Variants in RREB1 observed in about 807,000 individuals in gnomAD.
RREB1 encodes ras-responsive element-binding protein 1.
In RREB1, 27 loss-of-function variants were observed where a neutral mutation model predicts 117.8. The observed-to-expected ratio is 0.23, with a 90% CI of 0.17 to 0.32. RREB1 has a LOEUF of 0.32. Ranked by LOEUF, RREB1 falls within the 10% of genes least tolerant of loss-of-function variation. The pLI is 1.00. For missense variants in RREB1, 2,577 were observed against 2,378.2 expected, an observed-to-expected ratio of 1.08 and a Z score of -1.74; for synonymous variants, 1,298 against 1,026.7, an observed-to-expected ratio of 1.26 and a Z score of -5.05.
In RREB1 at chr6:7,166,801, G is replaced by T. The variant is rs539271551; in HGVS notation, c.-284-9854G>T. Among the ~76,000 whole-genome samples the T allele has an allele frequency of 7.7e-4, 118 of 152,314 alleles. 1 individual carries two copies. The highest frequency in any genetic ancestry group is 1.2e-3 in the Non-Finnish European group (79 of 68,032). On this transcript the variant is annotated intron_variant, in intron 1 of 12. Coordinates refer to ENST00000379938, the MANE Select transcript of RREB1 (RefSeq NM_001003699.4). ...CTGCCCTGGGATTGCTTAGCTTGCA[G>T]CTCGTCCCTGGGGCAAAGTGGAGAA...
At chr6:7,146,404 C>T (rs149767840) in intron 1 of RREB1, among the ~76,000 whole-genome samples, 291 of 151,754 alleles carry the variant, frequency 1.9e-3, no homozygotes, top group Admixed American at 2.3e-3. Context: ...GAGGTGGGGA[C>T]GGAGAAGGAA....
At chr6:7,129,189 T>G (rs140554193) in intron 1 of RREB1, among the ~76,000 whole-genome samples, 1,936 of 151,594 alleles carry the variant, frequency 0.013, 21 homozygotes, top group Non-Finnish European at 0.021. Context: ...CTCGCAGGAG[T>G]GGGTCTGCAC....
chr6:7,148,846 A>G (rs943165255), intron 1 of RREB1, among the ~76,000 whole-genome samples: 2 of 152,170 alleles, frequency 1.3e-5, no homozygotes, highest in African/African-American at 4.8e-5. Flanking sequence ...AATATTATAT[A>G]TTTTGCCCAG....
intron 1 of RREB1, among the ~76,000 whole-genome samples, chr6:7,124,203 G>C (rs555135761): frequency 1.3e-5 from 2 of 152,136 alleles, no homozygotes; most frequent in African/African-American, 2.4e-5. Flanking sequence ...GTGTTCTGAG[G>C]CTTGCTTTGT....
intron 2 of RREB1, among the ~76,000 whole-genome samples, chr6:7,178,050 G>A (rs1016494874): frequency 6.6e-5 from 10 of 152,070 alleles, no homozygotes; most frequent in South Asian, 4.1e-4. Context: ...TGTATAGGTG[G>A]GGTCTTGCTG....
chr6:7,210,785 G>C lies in RREB1; in HGVS notation c.426-19G>C, dbSNP rs1766537256. ...ACTTCTTTGTTAGATCACATTGTGT[G>C]TGTGTTTGTTCTTTTCAGACATATG... On this transcript the variant is annotated intron_variant, in intron 6 of 12. Coordinates refer to ENST00000379938, the MANE Select transcript of RREB1 (RefSeq NM_001003699.4). The C allele has an allele frequency of 1.2e-6, 2 of 1,602,016 alleles. No individual in the cohort carries two copies. The highest frequency in any genetic ancestry group is 1.1e-5 in the South Asian group (1 of 89,878).
intron 1 of RREB1, among the ~76,000 whole-genome samples, chr6:7,130,493 C>G (rs1158808340): frequency 6.6e-6 from 1 of 152,168 alleles, no homozygotes; most frequent in Non-Finnish European, 1.5e-5. Context: ...GGTGCCTGGT[C>G]TTGGGGGCAT....
chr6:7,215,259 G>T (rs1334792680), intron 8 of RREB1: 1 of 152,278 alleles, frequency 6.6e-6, no homozygotes, highest in Admixed American at 6.5e-5. Flanking sequence ...AAGTCAGCTG[G>T]GAGAAGCATC....
At chr6:7,126,218 C>T (rs987618783) in intron 1 of RREB1, among the ~76,000 whole-genome samples, 27 of 151,742 alleles carry the variant, frequency 1.8e-4, no homozygotes, top group East Asian at 1.2e-3. Context: ...GTCAGGCTGG[C>T]CTTGAACTGC....
At chr6:7,142,877 C>G (rs544380165) in intron 1 of RREB1, among the ~76,000 whole-genome samples, 1 of 152,326 alleles carries the variant, frequency 6.6e-6, no homozygotes, top group East Asian at 1.9e-4. Context: ...GGGGGGATAA[C>G]TTTTCTCTTC....
chr6:7,238,608 A>G (rs1372060086), intron 10 of RREB1, among the ~76,000 whole-genome samples: 1 of 151,664 alleles, frequency 6.6e-6, no homozygotes, highest in South Asian at 2.1e-4. Context: ...TTTTTTTTTA[A>G]TGTGGATGTT....
chr6:7,140,460 T>A (rs1762516542), intron 1 of RREB1, among the ~76,000 whole-genome samples: 1 of 152,216 alleles, frequency 6.6e-6, no homozygotes, highest in Non-Finnish European at 1.5e-5. Context: ...AACCAAGTGC[T>A]AAAAGATGAA....
chr6:7,208,583 C>G (rs1269665637), intron 6 of RREB1, among the ~76,000 whole-genome samples: 2 of 152,222 alleles, frequency 1.3e-5, no homozygotes, highest in African/African-American at 4.8e-5. Context: ...AGTGGGAGAA[C>G]TGGAGTGAGC....
intron 8 of RREB1, chr6:7,213,945 C>T (rs1766753551): frequency 6.6e-6 from 1 of 152,258 alleles, no homozygotes; most frequent in African/African-American, 2.4e-5. Context: ...CTGAGCAGTC[C>T]AAGCCTGCAT....
rs1308931553 is a variant in RREB1 at position 7,230,034 on chromosome 6, C to T, written c.1935C>T (p.Cys645=). The T allele has an allele frequency of 1.9e-6, 3 of 1,610,658 alleles. No homozygotes were observed. Among genetic ancestry groups the T allele is most frequent in the Non-Finnish European group, 2.5e-6 (3 of 1,177,688 alleles). Residue 645 remains cysteine, a synonymous_variant, in exon 10 of 13, where the codon TGC becomes TGT. Transcript: ENST00000379938. ...CCATGCGCAAGGTGCTCTACCCCTG[C>T]CGCTTCTGCAACCAGGTGTTTGCCT... ...TPAMRKVLYP[C]RFCNQVFAFS... is the part of the protein sequence containing the mutation.
intron 1 of RREB1, among the ~76,000 whole-genome samples, chr6:7,141,104 G>C (rs1002551910): frequency 6.6e-6 from 1 of 152,206 alleles, no homozygotes; most frequent in South Asian, 2.1e-4. Context: ...GACTGCCCGC[G>C]TCAGGGCTCC....
At chr6:7,181,534 G>C in intron 3 of RREB1, 1 of 518,240 alleles carries the variant, frequency 1.9e-6, no homozygotes, top group Non-Finnish European at 3.4e-6. Context: ...GCTGCAGGGC[G>C]GCAGCTTTCT....
intron 6 of RREB1, among the ~76,000 whole-genome samples, chr6:7,199,068 G>A (rs1042477626): frequency 3.3e-5 from 5 of 152,268 alleles, no homozygotes; most frequent in Admixed American, 6.5e-5. Flanking sequence ...TTTACATCTC[G>A]TTGGCTGGAT....
intron 10 of RREB1, among the ~76,000 whole-genome samples, chr6:7,238,436 C>T (rs1183379400): frequency 6.6e-6 from 1 of 152,058 alleles, no homozygotes; most frequent in Non-Finnish European, 1.5e-5. Flanking sequence ...GGGGTTTCAC[C>T]GTATTGGCCA....
Sources: gnomAD v4.1 joint callset for allele counts (sites outside exome capture counted in the v4.1 genomes callset) on GRCh38, gnomAD v4.1.1 for gene constraint, MANE v1.5 for transcripts, NCBI Gene and HGNC (gene_info 2026-07-23, HGNC 2026-07-21) for gene names.